The following FNDC7 variants were observed in gnomAD, a reference collection of about 807,000 sequenced individuals.
FNDC7 encodes fibronectin type III domain-containing protein 7.
A neutral mutation model predicts 74.2 loss-of-function variants in FNDC7; 66 were observed. That is an observed-to-expected ratio of 0.89 (90% CI 0.73 to 1.09). The LOEUF (loss-of-function observed/expected upper bound fraction) is 1.09. FNDC7 is among the 50% of genes least tolerant of loss of function. The pLI is 0.00. For synonymous variants in FNDC7, 307 were observed against 330.2 expected, an observed-to-expected ratio of 0.93 and a Z score of 0.76; for missense variants, 829 against 893.4, an observed-to-expected ratio of 0.93 and a Z score of 0.92.
rs1408471633 is a variant in FNDC7 at position 108,722,343 on chromosome 1, G to T, written c.607G>T (p.Ala203Ser). The change falls in exon 5 of 13, where the codon GCC becomes TCC. Residue 203 changes from alanine to serine, a missense_variant. Physicochemically the swap from Ala to Ser is moderately conservative, Grantham distance 99. Coordinates refer to ENST00000370017, the MANE Select transcript of FNDC7 (RefSeq NM_001144937.3). ...GTTTCTCTAAAATGTAGGTCCTCGG[G>T]CCCCTGCCAACATTCAAGTCTCTTT... Reference protein sequence around the residue: ...STCNQRTSPRAPANIQVSFDS... With the variant: ...STCNQRTSPRSPANIQVSFDS... 2 of 1,605,278 alleles carry T rather than the reference G, an allele frequency of 1.2e-6. No individual in the cohort carries two copies. Among genetic ancestry groups the T allele is most frequent in the South Asian group, 2.2e-5 (2 of 90,132 alleles).
At chr1:108,729,552 A>C (rs1661298394) in intron 8 of FNDC7, among the ~76,000 whole-genome samples, 1 of 152,118 alleles carries the variant, frequency 6.6e-6, no homozygotes, top group African/African-American at 2.4e-5. Context: ...CCGTCACAAA[A>C]AAAAAAAAAA....
intron 10 of FNDC7, among the ~76,000 whole-genome samples, chr1:108,734,936 T>G (rs552221148): frequency 1.3e-5 from 2 of 152,308 alleles, no homozygotes; most frequent in African/African-American, 4.8e-5. Flanking sequence ...ATGAGAAAAC[T>G]GAAGCTCAGA....
At chr1:108,726,430 C>A (rs1442561824) in intron 6 of FNDC7, among the ~76,000 whole-genome samples, 1 of 152,212 alleles carries the variant, frequency 6.6e-6, no homozygotes, top group Non-Finnish European at 1.5e-5. Flanking sequence ...TGGGTTTACA[C>A]CCTAACTTGA....
rs1416015588 is a variant in FNDC7 at position 108,718,022 on chromosome 1, G to A, written c.328G>A (p.Ala110Thr). Residue 110 changes from alanine (A) to threonine (T), a missense_variant, in exon 3 of 13, where the codon GCA becomes ACA. Transcript: ENST00000370017. ...GRSQASPPKQ[A>T]KTVLAAPILE... The stretch of plus-strand genomic sequence containing the variant: ...AAGCCAGGCGTCACCTCCAAAGCAG[G>A]CAAAGACAGGTGGCTGGATGGATGC... 5 of 1,551,378 alleles carry A rather than the reference G, an allele frequency of 3.2e-6. No individual in the cohort carries two copies. Among genetic ancestry groups the A allele is most frequent in the Non-Finnish European group, 4.4e-6 (5 of 1,146,804 alleles).
intron 2 of FNDC7, among the ~76,000 whole-genome samples, chr1:108,717,502 G>T (rs1012795389): frequency 7.9e-5 from 12 of 152,102 alleles, no homozygotes; most frequent in African/African-American, 2.9e-4. Flanking sequence ...TTCTTATTTA[G>T]CTCTTTTAAA....
At chr1:108,724,708 C>T (rs183099637) in intron 5 of FNDC7, among the ~76,000 whole-genome samples, 24 of 151,406 alleles carry the variant, frequency 1.6e-4, no homozygotes, top group African/African-American at 3.4e-4. Flanking sequence ...GAGCTGAGAT[C>T]GCACCACTGC....
Position 108,733,399 on chromosome 1 carries a change from G to T in FNDC7, c.2007G>T (p.Thr669=). ...TCTATGGCTCCAAAGGCATTTTCACGTGCACCCCGAGTGCTGGCCTCAGTT... is the reference window on the plus strand; with the variant it reads ...TCTATGGCTCCAAAGGCATTTTCACTTGCACCCCGAGTGCTGGCCTCAGTT... ...TDLYGSKGIF[T]CTPSAGLSFC... Residue 669 remains threonine, a synonymous_variant, in exon 10 of 13, where the codon ACG becomes ACT. Coordinates refer to ENST00000370017, the MANE Select transcript of FNDC7 (RefSeq NM_001144937.3). 6.2e-7 allele frequency: 1 copy of T among 1,614,056 alleles called. No individual in the cohort carries two copies.
rs745665579 is a variant in FNDC7 at position 108,728,016 on chromosome 1, T to C, written c.1320T>C (p.Asn440=). 1 of 1,614,148 alleles carries C rather than the reference T, an allele frequency of 6.2e-7. No individual in the cohort carries two copies. The highest frequency in any genetic ancestry group is 2.2e-5 in the East Asian group (1 of 44,882). The change falls in exon 7 of 13, where the codon AAT becomes AAC. Residue 440 remains asparagine, a synonymous_variant. Coordinates refer to ENST00000370017, the MANE Select transcript of FNDC7 (RefSeq NM_001144937.3). ...TKYNITVYSF[N]EVRGSNMSCT... ...ACAACATCACAGTGTATTCATTCAA[T>C]GAAGTCCGAGGCAGCAATATGTCAT...
At chr1:108,733,732 C>G (rs1661448951) in intron 10 of FNDC7, among the ~76,000 whole-genome samples, 200 bp downstream of exon 10, 2 of 149,340 alleles carry the variant, frequency 1.3e-5, no homozygotes, top group South Asian at 2.1e-4. Context: ...CTCACTGCAA[C>G]CTCCACCTCC....
rs1304663422 is a variant in FNDC7 at position 108,725,824 on chromosome 1, G to C, written c.931G>C (p.Asp311His). The C allele has an allele frequency of 6.2e-7, 1 of 1,614,168 alleles. No individual in the cohort carries two copies. Among genetic ancestry groups the C allele is most frequent in the East Asian group, 2.2e-5 (1 of 44,886 alleles). ...GHLSVAWSSV[D>H]LGDYYVVFVK... is the part of the protein sequence containing the mutation. ...CCTGTCTGTGGCTTGGTCCAGTGTA[G>C]ATCTGGGTGACTACTATGTGGTCTT... Residue 311 changes from aspartate (D) to histidine (H), a missense_variant, in exon 6 of 13, where the codon GAT becomes CAT. By Grantham distance (81) the Asp-to-His change is moderately conservative. Transcript: ENST00000370017.
chr1:108,719,016 C>A lies in FNDC7; in HGVS notation c.565C>A (p.Pro189Thr). The A allele has an allele frequency of 6.4e-7, 1 of 1,552,228 alleles. No individual in the cohort carries two copies. Among genetic ancestry groups the A allele is most frequent in the Non-Finnish European group, 8.7e-7 (1 of 1,147,116 alleles). The change falls in exon 4 of 13, where the codon CCT becomes ACT. Residue 189 changes from proline to threonine, a missense_variant. Physicochemically the swap from Pro to Thr is conservative, Grantham distance 38. Transcript: ENST00000370017. ...KAYAWNANRI[P>T]GDDSTCNQRT... The stretch of plus-strand genomic sequence containing the variant: ...CTATGCATGGAATGCCAACAGAATC[C>A]CTGGGGATGACTCCACCTGCAATCA...
intron 1 of FNDC7, 42 bp from the exon 2 acceptor site, chr1:108,713,469 G>T: frequency 6.5e-7 from 1 of 1,537,830 alleles, no homozygotes; most frequent in South Asian, 1.2e-5. Flanking sequence ...TTCAAGTTGT[G>T]TTTTTCTGTG....
chr1:108,732,752 TTCTG>T (rs980940499), intron 9 of FNDC7, among the ~76,000 whole-genome samples: 36 of 151,870 alleles, frequency 2.4e-4, no homozygotes, highest in Admixed American at 9.8e-4. Flanking sequence ...CTTTCTTTCT[TTCTG>T]TCTGTCTTTC....
At chr1:108,737,203 C>T (rs1161150274) in intron 10 of FNDC7, among the ~76,000 whole-genome samples, 1 of 152,066 alleles carries the variant, frequency 6.6e-6, no homozygotes, top group Non-Finnish European at 1.5e-5. Context: ...AACTCCTGAC[C>T]TCAGGTATCT....
At chr1:108,733,649 C>CATTTTTTTTTTTTTT (rs1160919720) in intron 10 of FNDC7, 117 bp downstream of exon 10, 1 of 575,148 alleles carries the variant, frequency 1.7e-6, no homozygotes, top group African/African-American at 2.4e-5. Flanking sequence ...AAATTTCTTT[C>CATTTTTTTTTTTTTT]TTTTTTTTTT....
intron 10 of FNDC7, among the ~76,000 whole-genome samples, chr1:108,736,144 G>A (rs375722721): frequency 5.9e-5 from 9 of 152,128 alleles, no homozygotes; most frequent in East Asian, 1.9e-4. Flanking sequence ...CACAACATCC[G>A]TCCTGAGAGG....
At chr1:108,731,622 C>T (rs1661357918) in intron 9 of FNDC7, among the ~76,000 whole-genome samples, 1 of 152,130 alleles carries the variant, frequency 6.6e-6, no homozygotes, top group Non-Finnish European at 1.5e-5. Flanking sequence ...ATTTTGGCAT[C>T]CTAGAGGTAG....
chr1:108,723,081 T>C (rs1426498405), intron 5 of FNDC7, among the ~76,000 whole-genome samples: 2 of 152,240 alleles, frequency 1.3e-5, no homozygotes, highest in African/African-American at 4.8e-5. Flanking sequence ...CATGTGGAAG[T>C]TGACTCCTCT....
Position 108,741,810 on chromosome 1 carries a change from T to C in FNDC7, c.*6T>C. The C allele has an allele frequency of 6.2e-7, 1 of 1,613,788 alleles. No homozygotes were observed. The highest frequency in any genetic ancestry group is 8.5e-7 in the Non-Finnish European group (1 of 1,179,916). ...GGAAGAGAAATGAAGAATGACAAAG[T>C]GAGCCCCAGATAAAAACAAAAACTT... is the stretch of plus-strand genomic sequence containing the variant. On this transcript the variant is annotated 3_prime_UTR_variant, in exon 12 of 13. Transcript: ENST00000370017.
Sources: gnomAD v4.1 joint callset for allele counts (sites outside exome capture counted in the v4.1 genomes callset) on GRCh38, gnomAD v4.1.1 for gene constraint, MANE v1.5 for transcripts, NCBI Gene and HGNC (gene_info 2026-07-23, HGNC 2026-07-21) for gene names.